The following PREP variants were observed in gnomAD, a reference collection of about 807,000 sequenced individuals.
PREP encodes dJ355L5.1 (prolyl endopeptidase).
Under a neutral mutation model 87.6 loss-of-function variants are expected in PREP, and 29 were observed. The ratio of observed to expected loss-of-function variants is 0.33; its 90% CI spans 0.25 to 0.45. The LOEUF (loss-of-function observed/expected upper bound fraction) is 0.45. Among genes scored for constraint, PREP ranks in the 20% least tolerant of loss-of-function variants. The pLI, the probability that PREP is intolerant of heterozygous loss-of-function variation, is 1.00. For missense variants in PREP, 695 were observed against 886.5 expected, an observed-to-expected ratio of 0.78 and a Z score of 2.74; for synonymous variants, 337 against 328.6, an observed-to-expected ratio of 1.03 and a Z score of -0.28.
chr6:105,348,736 A>T (rs1338992070), intron 7 of PREP, among the ~76,000 whole-genome samples: 1 of 152,094 alleles, frequency 6.6e-6, no homozygotes, highest in Admixed American at 6.6e-5. Context: ...AAAACTAGCC[A>T]GGTATGGTGG....
intron 2 of PREP, among the ~76,000 whole-genome samples, chr6:105,378,911 T>C (rs566174191): frequency 6.6e-6 from 1 of 152,306 alleles, no homozygotes; most frequent in Admixed American, 6.5e-5. Context: ...TCTTCAAATG[T>C]GCAACAATGC....
intron 9 of PREP, 100 bp downstream of exon 9, chr6:105,328,727 ATG>A: frequency 7.9e-7 from 1 of 1,263,836 alleles, no homozygotes; most frequent in South Asian, 1.3e-5. Flanking sequence ...AATACAGCAT[ATG>A]TGATTTTCAA....
In PREP at chr6:105,276,696, A is replaced by ATAGT. The variant is rs1166296016; in HGVS notation, c.*1444_*1447dup. On this transcript the variant is annotated 3_prime_UTR_variant, in exon 15 of 15. Transcript: ENST00000652536. Reference sequence around the variant, plus strand: ...ACAACTGTATTATGTACCGTACTAAATAGTAACGGAAAACATGATTCCAGT... The same window carrying ATAGT: ...ACAACTGTATTATGTACCGTACTAAATAGTTAGTAACGGAAAACATGATTCCAGT... 6.6e-6 allele frequency among the ~76,000 whole-genome samples: 1 copy of ATAGT among 152,224 alleles called. No individual in the cohort carries two copies. Among genetic ancestry groups the ATAGT allele is most frequent in the African/African-American group, 2.4e-5 (1 of 41,458 alleles).
At chr6:105,282,245 G>A (rs1770098788) in intron 13 of PREP, among the ~76,000 whole-genome samples, 1 of 152,128 alleles carries the variant, frequency 6.6e-6, no homozygotes, top group South Asian at 2.1e-4. Context: ...AAGATCTCAG[G>A]ACCTGCCCAA....
chr6:105,396,435 T>C (rs573764952), intron 2 of PREP, among the ~76,000 whole-genome samples: 1 of 152,288 alleles, frequency 6.6e-6, no homozygotes, highest in East Asian at 1.9e-4. Context: ...TGTGGTTTAC[T>C]CCCCTGCCTC....
At chr6:105,395,009 A>G (rs911108346) in intron 2 of PREP, among the ~76,000 whole-genome samples, 5 of 152,232 alleles carry the variant, frequency 3.3e-5, no homozygotes, top group Non-Finnish European at 2.9e-5. Context: ...AACAGAAGTC[A>G]TTAGGCATAA....
At chr6:105,305,008 T>C (rs1279644521) in intron 10 of PREP, among the ~76,000 whole-genome samples, 2 of 152,226 alleles carry the variant, frequency 1.3e-5, no homozygotes, top group Admixed American at 6.5e-5. Flanking sequence ...TGTTTAGTTA[T>C]GGTAATTTGC....
intron 2 of PREP, among the ~76,000 whole-genome samples, chr6:105,392,177 C>T (rs1238527277): frequency 6.6e-6 from 1 of 151,150 alleles, no homozygotes; most frequent in East Asian, 2.0e-4. Context: ...TCCCTGGGAC[C>T]ACAGGTGCCC....
intron 10 of PREP, among the ~76,000 whole-genome samples, chr6:105,291,949 A>C (rs577039899): frequency 2.6e-5 from 4 of 151,946 alleles, no homozygotes; most frequent in Non-Finnish European, 4.4e-5. Context: ...CTAAAAAGCA[A>C]CTCCTTATCC....
intron 5 of PREP, among the ~76,000 whole-genome samples, chr6:105,370,828 A>G (rs1772519202): frequency 6.6e-6 from 1 of 152,232 alleles, no homozygotes; most frequent in Non-Finnish European, 1.5e-5. Flanking sequence ...AAAACTATAA[A>G]GACAGTAAAA....
rs781208545 is a variant in PREP at position 105,278,455 on chromosome 6, C to G, written c.1839-17G>C. 1.3e-6 allele frequency: 2 copies of G among 1,599,078 alleles called. No individual in the cohort carries two copies. Among genetic ancestry groups the G allele is most frequent in the Non-Finnish European group, 1.7e-6 (2 of 1,169,106 alleles). ...GGAGAGTATCTGGAAGGCAAAAACA[C>G]CTTTGTGAGGCTGGAGAGCAACAGT... On this transcript the variant is annotated splice_polypyrimidine_tract_variant and intron_variant, in intron 14 of 14. Transcript: ENST00000652536. This position sits in a 1 kb window ranked among gnomAD's most constrained non-coding sequence, Gnocchi z 4.2.
chr6:105,353,385 T>C (rs1366422759), intron 6 of PREP, among the ~76,000 whole-genome samples: 3 of 152,208 alleles, frequency 2.0e-5, no homozygotes, highest in Non-Finnish European at 4.4e-5. Flanking sequence ...AAACTGAAAA[T>C]ATGTGAAATC....
chr6:105,302,883 C>G (rs911496492), intron 10 of PREP: 21 of 293,078 alleles, frequency 7.2e-5, no homozygotes, highest in Non-Finnish European at 1.2e-4. Context: ...TTTTGACCCT[C>G]AAATACCTAT....
At chr6:105,287,719 T>G (rs1770216438) in intron 11 of PREP, among the ~76,000 whole-genome samples, 1 of 152,252 alleles carries the variant, frequency 6.6e-6, no homozygotes, top group Non-Finnish European at 1.5e-5. Context: ...AGATCCTGGA[T>G]GAATCTGTGA....
intron 10 of PREP, among the ~76,000 whole-genome samples, chr6:105,290,145 C>T (rs769202114): frequency 4.6e-5 from 7 of 152,120 alleles, no homozygotes; most frequent in Non-Finnish European, 1.0e-4. Context: ...GGAGAATACA[C>T]TTCAGAGTTC....
intron 5 of PREP, among the ~76,000 whole-genome samples, chr6:105,370,630 C>T (rs1772512179): frequency 6.6e-6 from 1 of 152,166 alleles, no homozygotes; most frequent in African/African-American, 2.4e-5. Flanking sequence ...ACTGAGCATT[C>T]TTTCAGTAGG....
At chr6:105,342,611 C>G (rs1001486050) in intron 7 of PREP, among the ~76,000 whole-genome samples, 3 of 152,320 alleles carry the variant, frequency 2.0e-5, no homozygotes, top group African/African-American at 4.8e-5. Context: ...TTGCAGATGA[C>G]ACGATTGTAT....
At chr6:105,280,444 C>CA (rs1770055184) in intron 14 of PREP, among the ~76,000 whole-genome samples, 1 of 152,004 alleles carries the variant, frequency 6.6e-6, no homozygotes, top group African/African-American at 2.4e-5. Flanking sequence ...AATGAAGGGC[C>CA]AAAAAGAAGT....
intron 5 of PREP, among the ~76,000 whole-genome samples, chr6:105,372,029 C>T (rs1010971867): frequency 3.9e-5 from 6 of 152,078 alleles, no homozygotes; most frequent in African/African-American, 1.2e-4. Flanking sequence ...GTTTCCAGAG[C>T]GCAGACATCT....
Sources: gnomAD v4.1 joint callset for allele counts (sites outside exome capture counted in the v4.1 genomes callset) on GRCh38, gnomAD v4.1.1 for gene constraint, Gnocchi (gnomAD v3.1) non-coding constraint, MANE v1.5 for transcripts, NCBI Gene and HGNC (gene_info 2026-07-23, HGNC 2026-07-21) for gene names.